WNT16: variants seen among roughly 807,000 people sequenced by gnomAD.
WNT16 encodes protein Wnt-16.
Under a neutral mutation model 35.4 loss-of-function variants are expected in WNT16, and 20 were observed. The ratio of observed to expected loss-of-function variants is 0.56; its 90% CI spans 0.40 to 0.82. The LOEUF is 0.82. Among genes scored for constraint, WNT16 ranks in the 40% least tolerant of loss-of-function variants. The pLI, the probability that WNT16 is intolerant of heterozygous loss-of-function variation, is 0.00. For synonymous variants in WNT16, 180 were observed against 179.2 expected (o/e 1.00, Z -0.03); for missense variants, 461 against 466.0 (o/e 0.99, Z 0.10).
At chr7:121,332,160 AGC>A (rs1793360270) in intron 3 of WNT16, among the ~76,000 whole-genome samples, 196 bp downstream of exon 3, 3 of 152,254 alleles carry the variant, frequency 2.0e-5, no homozygotes, top group Non-Finnish European at 4.4e-5. Flanking sequence ...TATGCGTTAA[AGC>A]ATCCATGGTA....
In WNT16 at chr7:121,341,018, G is replaced by A. The variant is rs1423720675; in HGVS notation, c.*1673G>A. 1 of 152,010 alleles carries A rather than the reference G, an allele frequency of 6.6e-6. No individual in the cohort carries two copies. The highest frequency in any genetic ancestry group is 2.4e-5 in the African/African-American group (1 of 41,390). The allele number at this position is 152,010 out of a possible 1,614,324, so 9.4% of individuals were successfully genotyped here. A position where few individuals can be genotyped will look rare whatever the true frequency, so the allele number is the denominator to read the frequency against. ...TTTCTCTTTAATTTTATTCACTGAGGCAGAGAAACAATTTTTGAAAAAGAG... is the reference window on the plus strand; with the variant it reads ...TTTCTCTTTAATTTTATTCACTGAGACAGAGAAACAATTTTTGAAAAAGAG... On this transcript the variant is annotated 3_prime_UTR_variant, in exon 4 of 4. Transcript: ENST00000222462.
Position 121,329,145 on chromosome 7 carries a change from T to C in WNT16, c.-148T>C. 7.1e-7 allele frequency: 1 copy of C among 1,404,184 alleles called. No homozygotes were observed. Among genetic ancestry groups the C allele is most frequent in the Non-Finnish European group, 9.2e-7 (1 of 1,081,932 alleles). The allele number at this position is 1,404,184 out of a possible 1,614,324, so 87.0% of individuals were successfully genotyped here. On this transcript the variant is annotated 5_prime_UTR_variant, in exon 1 of 4. Coordinates refer to ENST00000222462, the MANE Select transcript of WNT16 (RefSeq NM_057168.2). ...CGAGGGGGAAGCTGCTGAGAGTCCC[T>C]ATCACTGCTGGCCTTTTAATGTTGT... is the stretch of plus-strand genomic sequence containing the variant.
chr7:121,333,488 A>T (rs987897107), intron 3 of WNT16, among the ~76,000 whole-genome samples: 1 of 151,974 alleles, frequency 6.6e-6, no homozygotes, highest in African/African-American at 2.4e-5. Flanking sequence ...AAGTTATTTT[A>T]TTTCACTAGA....
intron 2 of WNT16, among the ~76,000 whole-genome samples, chr7:121,330,728 AAAAAAAAAG>A (rs1474713495): frequency 6.6e-6 from 1 of 151,678 alleles, no homozygotes; most frequent in East Asian, 1.9e-4. Flanking sequence ...AAAAAAAAAA[AAAAAAAAAG>A]AGACAGAAAG....
chr7:121,339,252 G>A lies in WNT16; in HGVS notation c.1005G>A (p.Arg335=), dbSNP rs1221198063. 3 of 1,614,092 alleles carry A rather than the reference G, an allele frequency of 1.9e-6. No homozygotes were observed. In the African/African-American group the frequency reaches 4.0e-5, roughly 22 times the overall value. ...GAGGTTACAACACCCATGTGGTCAG[G>A]CACGTGGAGAGGTGTGAGTGTAAGT... ...CGRGYNTHVV[R]HVERCECKFI... Residue 335 remains arginine (R), a synonymous_variant, in exon 4 of 4, where the codon AGG becomes AGA. Transcript: ENST00000222462.
At chr7:121,333,903 C>G (rs900959682) in intron 3 of WNT16, among the ~76,000 whole-genome samples, 2 of 151,968 alleles carry the variant, frequency 1.3e-5, no homozygotes, top group South Asian at 2.1e-4. Context: ...CTAAAGCATT[C>G]TAAAATATAT....
chr7:121,340,922 G>A lies in WNT16; in HGVS notation c.*1577G>A, dbSNP rs1584681905. 1 of 151,900 alleles carries A rather than the reference G, an allele frequency of 6.6e-6. No homozygotes were observed. 9.4% of individuals were successfully genotyped at this position (151,900 alleles called of 1,614,324 possible). On this transcript the variant is annotated 3_prime_UTR_variant, in exon 4 of 4. Transcript: ENST00000222462. ...AAATAGATTTTTAAAATTCAGAATG[G>A]ACAAAGAGAATATTCATTTTCTTAT...
intron 2 of WNT16, among the ~76,000 whole-genome samples, chr7:121,330,782 A>G (rs1793334262): frequency 6.6e-6 from 1 of 151,924 alleles, no homozygotes; most frequent in Admixed American, 6.6e-5. Flanking sequence ...AGTTGCTGAA[A>G]TGCATCAGCT....
chr7:121,329,918 C>CTG (rs1336629732), intron 2 of WNT16, 101 bp downstream of exon 2: 8 of 1,491,566 alleles, frequency 5.4e-6, no homozygotes, highest in Non-Finnish European at 7.1e-6. Context: ...TCCTGTAGCT[C>CTG]TCTAAGTTCC....
At chr7:121,338,100 T>C (rs1357586368) in intron 3 of WNT16, among the ~76,000 whole-genome samples, 2 of 152,190 alleles carry the variant, frequency 1.3e-5, no homozygotes, top group African/African-American at 4.8e-5. Flanking sequence ...ATAGCATAGT[T>C]CACCACCTCC....
rs1793498757 is a variant in WNT16 at position 121,339,448 on chromosome 7, AGT to A, written c.*105_*106del. ...CAGCGCTAGTAAAGTTGACTCTTGC[AGT>A]GGAATCCCTAGAACCTTGGACCTGA... is the stretch of plus-strand genomic sequence containing the variant. On this transcript the variant is annotated 3_prime_UTR_variant, in exon 4 of 4. Coordinates refer to ENST00000222462, the MANE Select transcript of WNT16 (RefSeq NM_057168.2). 12 of 1,083,190 alleles carry A rather than the reference AGT, an allele frequency of 1.1e-5. No homozygotes were observed. In the African/African-American group the frequency reaches 1.6e-4, roughly 15 times the overall value. The allele number at this position is 1,083,190 out of a possible 1,614,324, so 67.1% of individuals were successfully genotyped here.
At chr7:121,336,998 G>A (rs927277213) in intron 3 of WNT16, among the ~76,000 whole-genome samples, 3 of 152,044 alleles carry the variant, frequency 2.0e-5, no homozygotes, top group African/African-American at 4.8e-5. Flanking sequence ...GCTTTTTCTC[G>A]TAAACTTTGG....
intron 3 of WNT16, 145 bp downstream of exon 3, chr7:121,332,109 T>A (rs1197785579): frequency 2.1e-6 from 2 of 971,446 alleles, no homozygotes; most frequent in African/African-American, 1.6e-5. Context: ...ATATTGTTTT[T>A]AAAAGACTAC....
intron 3 of WNT16, among the ~76,000 whole-genome samples, chr7:121,338,389 T>C (rs1344800441): frequency 6.6e-6 from 1 of 152,186 alleles, no homozygotes; most frequent in African/African-American, 2.4e-5. Context: ...ACAATCTTGT[T>C]AAAAATGCAG....
Position 121,339,144 on chromosome 7 carries a change from A to C in WNT16, c.897A>C (p.Lys299Asn), listed in dbSNP as rs774637352. The C allele has an allele frequency of 1.2e-6, 2 of 1,614,078 alleles. No individual in the cohort carries two copies. The highest frequency in any genetic ancestry group is 2.7e-5 in the African/African-American group (2 of 74,942). ...KSPNYCVEDK[K>N]LGIPGTQGRE... ...CCAACTACTGTGTAGAAGATAAGAAACTGGGAATCCCAGGGACACAAGGCA... is the reference window on the plus strand; with the variant it reads ...CCAACTACTGTGTAGAAGATAAGAACCTGGGAATCCCAGGGACACAAGGCA... The change falls in exon 4 of 4, where the codon AAA (lysine) becomes AAC (asparagine). Residue 299 changes from lysine to asparagine, a missense_variant. Lys to Asn is a moderately conservative substitution (Grantham distance 94). Coordinates refer to ENST00000222462, the MANE Select transcript of WNT16 (RefSeq NM_057168.2).
chr7:121,335,208 G>A (rs1055543383), intron 3 of WNT16, among the ~76,000 whole-genome samples: 3 of 151,954 alleles, frequency 2.0e-5, no homozygotes, highest in African/African-American at 4.8e-5. Flanking sequence ...TGTAAAATTC[G>A]GACAACGTAA....
intron 3 of WNT16, among the ~76,000 whole-genome samples, chr7:121,333,878 G>A (rs2707474): frequency 0.25 from 37,993 of 151,668 alleles, 5,997 homozygotes; most frequent in African/African-American, 0.46. Context: ...ATCATCTTGG[G>A]ACTTACAAAA....
chr7:121,337,139 T>C (rs1437524682), intron 3 of WNT16, among the ~76,000 whole-genome samples: 1 of 152,188 alleles, frequency 6.6e-6, no homozygotes, highest in Non-Finnish European at 1.5e-5. Flanking sequence ...ACTTTATAAA[T>C]TGCTGTCATA....
At chr7:121,331,400 C>A (rs560419244) in intron 2 of WNT16, among the ~76,000 whole-genome samples, 1 of 152,196 alleles carries the variant, frequency 6.6e-6, no homozygotes, top group South Asian at 2.1e-4. Flanking sequence ...ACATACATTT[C>A]AAATTTAAAA....
Sources: allele counts gnomAD v4.1 joint callset (sites outside exome capture counted in the v4.1 genomes callset), GRCh38; gene constraint gnomAD v4.1.1; transcripts MANE v1.5; gene names NCBI Gene and HGNC (gene_info 2026-07-23, HGNC 2026-07-21).